MAMDC2: variants seen among roughly 807,000 people sequenced by gnomAD.
MAMDC2 encodes MAM domain containing 2.
In MAMDC2, 57 loss-of-function variants were observed where a neutral mutation model predicts 89.8. That is an observed-to-expected ratio of 0.63 (90% CI 0.51 to 0.79). MAMDC2 has a LOEUF of 0.79. Ranked by LOEUF, MAMDC2 falls within the 30% of genes least tolerant of loss-of-function variation. The pLI is 0.00. For missense variants in MAMDC2, 800 were observed against 820.6 expected, an observed-to-expected ratio of 0.97 and a Z score of 0.31; for synonymous variants, 313 against 293.4, an observed-to-expected ratio of 1.07 and a Z score of -0.68.
At chr9:70,053,286 G>A (rs1335253642) in intron 2 of MAMDC2, among the ~76,000 whole-genome samples, 1 of 152,182 alleles carries the variant, frequency 6.6e-6, no homozygotes, top group Admixed American at 6.5e-5. Context: ...GGATTCTGAG[G>A]CTAAGAATAA....
At chr9:70,221,380 T>TATAGAGAGAGAGAGAGAGAGAGAGAGAG in intron 12 of MAMDC2, among the ~76,000 whole-genome samples, 2 of 7,042 alleles carry the variant, frequency 2.8e-4, no homozygotes, top group Admixed American at 2.8e-3. Context: ...TATATATATA[T>TATAGAGAGAGAGAGAGAGAGAGAGAGAG]AGAGAGAGAG....
In MAMDC2 at chr9:70,105,656, G is replaced by A. The variant is rs114743024; in HGVS notation, c.149-2555G>A. Among the ~76,000 whole-genome samples the A allele has an allele frequency of 2.5e-3, 377 of 152,200 alleles. 5 individuals are homozygous for A. Among genetic ancestry groups the A allele is most frequent in the African/African-American group, 8.5e-3 (354 of 41,524 alleles). ...TCAAAATCACTCAATGAATAGCACC[G>A]ACTTTCATCACACAGAATAAAATCT... is the stretch of plus-strand genomic sequence containing the variant. On this transcript the variant is annotated intron_variant, in intron 2 of 13. Coordinates refer to ENST00000377182, the MANE Select transcript of MAMDC2 (RefSeq NM_153267.5).
chr9:70,167,076 T>C (rs1018422268), intron 9 of MAMDC2, among the ~76,000 whole-genome samples: 6 of 152,306 alleles, frequency 3.9e-5, no homozygotes, highest in African/African-American at 1.2e-4. Flanking sequence ...TAAAATATTT[T>C]ACATGTTCAG....
At position 70,226,042 on chromosome 9, in the gene MAMDC2, T is replaced by C; in HGVS notation, c.*10T>C. 4 of 1,504,850 alleles carry C rather than the reference T, an allele frequency of 2.7e-6. No homozygotes were observed. The highest frequency in any genetic ancestry group is 3.6e-6 in the Non-Finnish European group (4 of 1,102,206). The allele number at this position is 1,504,850 out of a possible 1,614,324, so 93.2% of individuals were successfully genotyped here. ...TGAAATTGAGTATTAAGAAATGATC[T>C]GCATTGGATTTACTAGACGAAAACC... On this transcript the variant is annotated 3_prime_UTR_variant, in exon 14 of 14. Transcript: ENST00000377182.
At chr9:70,218,255 G>T in intron 11 of MAMDC2, 82 bp from the exon 12 acceptor site, 1 of 1,455,644 alleles carries the variant, frequency 6.9e-7, no homozygotes, top group African/African-American at 1.4e-5. Context: ...ATCTTGACTT[G>T]ACACTCTGAA....
intron 10 of MAMDC2, 65 bp from the exon 11 acceptor site, chr9:70,170,414 G>A: frequency 1.3e-6 from 2 of 1,515,714 alleles, no homozygotes; most frequent in Non-Finnish European, 8.9e-7. Flanking sequence ...TGCAGAGTGG[G>A]CTGCTAGCAA....
intron 11 of MAMDC2, among the ~76,000 whole-genome samples, chr9:70,216,868 A>G (rs141105140): frequency 1.8e-4 from 27 of 152,260 alleles, no homozygotes; most frequent in African/African-American, 6.5e-4. Context: ...TTTAACACCA[A>G]CTGGCTTTGA....
At chr9:70,115,634 T>G (rs1179798080) in intron 5 of MAMDC2, among the ~76,000 whole-genome samples, 3 of 152,148 alleles carry the variant, frequency 2.0e-5, no homozygotes, top group Non-Finnish European at 2.9e-5. Context: ...GTTTAGCACT[T>G]TTGACAGTGA....
At chr9:70,216,839 A>C (rs898888009) in intron 11 of MAMDC2, among the ~76,000 whole-genome samples, 16 of 152,224 alleles carry the variant, frequency 1.1e-4, no homozygotes, top group African/African-American at 3.9e-4. Context: ...GTTTTACTTC[A>C]GTGACATGAT....
intron 7 of MAMDC2, among the ~76,000 whole-genome samples, chr9:70,138,809 C>T (rs1459304219): frequency 2.0e-5 from 3 of 152,044 alleles, no homozygotes; most frequent in Non-Finnish European, 4.4e-5. Flanking sequence ...TAGCAGTACC[C>T]ATGACAGAAC....
intron 2 of MAMDC2, among the ~76,000 whole-genome samples, chr9:70,105,313 C>G (rs3015205): frequency 0.064 from 9,699 of 152,154 alleles, 989 homozygotes; most frequent in African/African-American, 0.21. Context: ...TGGTTACATG[C>G]AGCACTATGT....
At chr9:70,096,494 C>G (rs900970707) in intron 2 of MAMDC2, among the ~76,000 whole-genome samples, 4 of 152,164 alleles carry the variant, frequency 2.6e-5, no homozygotes, top group Admixed American at 6.5e-5. Flanking sequence ...AGTCAGCCCC[C>G]CCTTTGAGGA....
intron 2 of MAMDC2, among the ~76,000 whole-genome samples, chr9:70,065,467 A>C (rs1194640397): frequency 6.6e-6 from 1 of 152,068 alleles, no homozygotes; most frequent in African/African-American, 2.4e-5. Flanking sequence ...GAGATGCCTA[A>C]AGCACATTTC....
At chr9:70,078,205 A>G (rs972080407) in intron 2 of MAMDC2, among the ~76,000 whole-genome samples, 1 of 152,226 alleles carries the variant, frequency 6.6e-6, no homozygotes, top group Non-Finnish European at 1.5e-5. Flanking sequence ...GTAAGAGCAC[A>G]CACCATTTAA....
At chr9:70,055,977 G>C (rs1827016470) in intron 2 of MAMDC2, among the ~76,000 whole-genome samples, 1 of 152,184 alleles carries the variant, frequency 6.6e-6, no homozygotes, top group Middle Eastern at 3.4e-3. Flanking sequence ...TAATAGAATG[G>C]CAATGTTTCT....
intron 2 of MAMDC2, among the ~76,000 whole-genome samples, chr9:70,074,980 A>G (rs1827499144): frequency 6.6e-6 from 1 of 152,208 alleles, no homozygotes; most frequent in African/African-American, 2.4e-5. Context: ...CCCAGCCAAA[A>G]TCAGGAGTTC....
chr9:70,138,864 T>C (rs2031097091), intron 7 of MAMDC2, among the ~76,000 whole-genome samples: 1 of 152,138 alleles, frequency 6.6e-6, no homozygotes. Flanking sequence ...GATGACTTTC[T>C]TCAAGCAGAT....
At chr9:70,093,095 A>G (rs1288797381) in intron 2 of MAMDC2, among the ~76,000 whole-genome samples, 1 of 152,054 alleles carries the variant, frequency 6.6e-6, no homozygotes, top group Non-Finnish European at 1.5e-5. Context: ...GTGTATATAT[A>G]TTTATTTATG....
intron 2 of MAMDC2, chr9:70,082,520 T>C (rs1019642096): frequency 7.2e-5 from 11 of 152,294 alleles, no homozygotes; most frequent in Middle Eastern, 3.4e-3. Flanking sequence ...TTAATATCAC[T>C]AGTTTTTTAT....
Sources: gnomAD v4.1 joint callset for allele counts (sites outside exome capture counted in the v4.1 genomes callset) on GRCh38, gnomAD v4.1.1 for gene constraint, MANE v1.5 for transcripts, NCBI Gene and HGNC (gene_info 2026-07-23, HGNC 2026-07-21) for gene names.